Variants in TDRD10 observed in about 807,000 individuals in gnomAD.
The protein encoded by TDRD10 is tudor domain containing 10.
TDRD10 carries 40 observed loss-of-function variants against 48.0 expected under a neutral mutation model. That is an observed-to-expected ratio of 0.83 (90% CI 0.65 to 1.09). TDRD10 has a LOEUF of 1.09. Among genes scored for constraint, TDRD10 ranks in the 50% least tolerant of loss-of-function variants. The pLI, the probability that TDRD10 is intolerant of heterozygous loss-of-function variation, is 0.00. For synonymous variants in TDRD10, 162 were observed against 170.4 expected (o/e 0.95, Z 0.38); for missense variants, 378 against 434.7 (o/e 0.87, Z 1.16).
chr1:154,541,500 G>C (rs1462803007), intron 6 of TDRD10, among the ~76,000 whole-genome samples: 1 of 152,058 alleles, frequency 6.6e-6, no homozygotes, highest in Non-Finnish European at 1.5e-5. Flanking sequence ...TGGGAAGGGG[G>C]ATAGATACTT....
At chr1:154,541,235 G>A (rs1248585118) in intron 6 of TDRD10, among the ~76,000 whole-genome samples, 2 of 151,746 alleles carry the variant, frequency 1.3e-5, no homozygotes, top group Non-Finnish European at 2.9e-5. Context: ...TTGAGCCAGA[G>A]CGGGAGGGAG....
chr1:154,539,839 A>T (rs1202005990), intron 6 of TDRD10, among the ~76,000 whole-genome samples: 1 of 152,248 alleles, frequency 6.6e-6, no homozygotes, highest in East Asian at 1.9e-4. Context: ...TGATGATGTG[A>T]TGAAGAGTGA....
At chr1:154,517,980 T>C (rs1693864313) in intron 4 of TDRD10, among the ~76,000 whole-genome samples, 1 of 152,208 alleles carries the variant, frequency 6.6e-6, no homozygotes, top group Admixed American at 6.5e-5. Flanking sequence ...TTTGGTGTTG[T>C]CCAACTGTTA....
chr1:154,546,231 G>A (rs1225890117), intron 11 of TDRD10, among the ~76,000 whole-genome samples: 2 of 146,368 alleles, frequency 1.4e-5, no homozygotes, highest in African/African-American at 2.5e-5. Flanking sequence ...GTGCTACTAC[G>A]CCTGGCTAAT....
At chr1:154,517,237 T>C in intron 4 of TDRD10, among the ~76,000 whole-genome samples, 1 of 152,218 alleles carries the variant, frequency 6.6e-6, no homozygotes. Context: ...TGTTGATCCC[T>C]TACCTTCTGT....
At chr1:154,516,462 C>T (rs1165913857) in intron 4 of TDRD10, among the ~76,000 whole-genome samples, 1 of 152,062 alleles carries the variant, frequency 6.6e-6, no homozygotes, top group African/African-American at 2.4e-5. Context: ...GGTTGCTTCT[C>T]TTTTCTCAGT....
intron 6 of TDRD10, among the ~76,000 whole-genome samples, chr1:154,528,649 T>A (rs1694439977): frequency 3.4e-5 from 2 of 58,348 alleles, no homozygotes; most frequent in Admixed American, 2.6e-4. Context: ...TGAAACCCTG[T>A]CTCTACTAAA....
At chr1:154,539,179 A>G (rs955418391) in intron 6 of TDRD10, among the ~76,000 whole-genome samples, 1 of 152,172 alleles carries the variant, frequency 6.6e-6, no homozygotes, top group Non-Finnish European at 1.5e-5. Context: ...ACTGCATGTC[A>G]TTGTCCTGAG....
At chr1:154,507,810 A>G (rs527883166) in intron 3 of TDRD10, among the ~76,000 whole-genome samples, 4 of 152,112 alleles carry the variant, frequency 2.6e-5, no homozygotes, top group African/African-American at 9.7e-5. Context: ...AGTCCTGGCT[A>G]TGAGCAATTT....
chr1:154,511,783 G>A (rs1693491148), intron 4 of TDRD10, among the ~76,000 whole-genome samples: 1 of 152,136 alleles, frequency 6.6e-6, no homozygotes, highest in Non-Finnish European at 1.5e-5. Flanking sequence ...GGGAGCTGGA[G>A]GTTGCAATGA....
At chr1:154,505,937 A>G (rs1437826118) in intron 1 of TDRD10, among the ~76,000 whole-genome samples, 2 of 152,196 alleles carry the variant, frequency 1.3e-5, no homozygotes, top group African/African-American at 4.8e-5. Context: ...TTCTGACTTG[A>G]CAGATGAAAT....
chr1:154,520,427 G>C, intron 5 of TDRD10, 53 bp downstream of exon 5: 1 of 1,480,300 alleles, frequency 6.8e-7, no homozygotes, highest in South Asian at 1.1e-5. Context: ...TTTCCTCCCT[G>C]TCCATTTTGC....
intron 10 of TDRD10, 113 bp downstream of exon 10, chr1:154,544,630 A>C (rs1570991209): frequency 3.4e-6 from 5 of 1,484,602 alleles, no homozygotes; most frequent in Non-Finnish European, 4.5e-6. Flanking sequence ...TTCTTCTCTC[A>C]AAATCATCTT....
At chr1:154,508,592 T>C in intron 4 of TDRD10, 111 bp downstream of exon 4, 1 of 765,736 alleles carries the variant, frequency 1.3e-6, no homozygotes, top group Non-Finnish European at 2.3e-6. Context: ...AGAGCTATGA[T>C]AGTGCAGACA....
chr1:154,528,418 G>T (rs1260097390), intron 6 of TDRD10, among the ~76,000 whole-genome samples: 2 of 151,778 alleles, frequency 1.3e-5, no homozygotes, highest in Non-Finnish European at 2.9e-5. Context: ...TAGAGACGGG[G>T]TCTCGCCATG....
At chr1:154,507,010 G>C in intron 2 of TDRD10, 105 bp downstream of exon 2, 1 of 1,606,624 alleles carries the variant, frequency 6.2e-7, no homozygotes, top group African/African-American at 1.3e-5. Flanking sequence ...GTCACCCCTG[G>C]CATCTCTTGC....
intron 4 of TDRD10, among the ~76,000 whole-genome samples, chr1:154,518,114 C>T (rs567512555): frequency 6.6e-6 from 1 of 152,336 alleles, no homozygotes; most frequent in East Asian, 1.9e-4. Flanking sequence ...AGCAGGCTAT[C>T]GATCCCTTAA....
intron 2 of TDRD10, 139 bp from the exon 3 acceptor site, chr1:154,507,102 T>C (rs911700497): frequency 2.6e-6 from 4 of 1,526,930 alleles, no homozygotes; most frequent in Non-Finnish European, 3.5e-6. Flanking sequence ...TGGAACCTGA[T>C]TCTGGGAGGA....
intron 6 of TDRD10, among the ~76,000 whole-genome samples, chr1:154,541,080 A>C (rs996235646): frequency 6.6e-6 from 1 of 152,138 alleles, no homozygotes; most frequent in African/African-American, 2.4e-5. Context: ...TGAGAGGAGC[A>C]CAGAAGCAGG....
Sources: gnomAD v4.1 joint callset for allele counts (sites outside exome capture counted in the v4.1 genomes callset) on GRCh38, gnomAD v4.1.1 for gene constraint, MANE v1.5 for transcripts, NCBI Gene and HGNC (gene_info 2026-07-23, HGNC 2026-07-21) for gene names.